The following FAM53B variants were observed in gnomAD, a reference collection of about 807,000 sequenced individuals.
FAM53B encodes the protein family with sequence similarity 53 member B.
FAM53B carries 12 observed loss-of-function variants against 32.7 expected under a neutral mutation model. The ratio of observed to expected loss-of-function variants is 0.37; its 90% CI spans 0.24 to 0.59. The LOEUF is 0.59. Among genes scored for constraint, FAM53B ranks in the 20% least tolerant of loss-of-function variants. The pLI is 0.72. For synonymous variants in FAM53B, 234 were observed against 228.7 expected, an observed-to-expected ratio of 1.02 and a Z score of -0.21; for missense variants, 477 against 577.7, an observed-to-expected ratio of 0.83 and a Z score of 1.79.
In FAM53B at chr10:124,706,843, T is replaced by C; in HGVS notation, c.-130A>G. On this transcript the variant is annotated 5_prime_UTR_variant, in exon 2 of 5. Transcript: ENST00000337318. ...ACAGCTCCCCATTGGCCACTCACCC[T>C]TGGGGTGGGGCCCTTCTGGGAAATG... The C allele has an allele frequency of 6.6e-7, 1 of 1,525,704 alleles. No individual in the cohort carries two copies. Among genetic ancestry groups the C allele is most frequent in the East Asian group, 2.4e-5 (1 of 41,748 alleles). The allele number at this position is 1,525,704 out of a possible 1,614,324, so 94.5% of individuals were successfully genotyped here. A position where few individuals can be genotyped will look rare whatever the true frequency, so the allele number is the denominator to read the frequency against.
chr10:124,700,485 T>C (rs890548307), intron 2 of FAM53B, among the ~76,000 whole-genome samples: 20 of 152,114 alleles, frequency 1.3e-4, no homozygotes, highest in Admixed American at 4.6e-4. Context: ...CCAGAGCACA[T>C]TTCCCCTTTG....
At chr10:124,734,313 A>T (rs1950162141) in intron 1 of FAM53B, among the ~76,000 whole-genome samples, 1 of 152,174 alleles carries the variant, frequency 6.6e-6, no homozygotes, top group African/African-American at 2.4e-5. Context: ...TGTCTGACAC[A>T]CATAGTAGCT....
At chr10:124,691,482 C>G (rs1265205361) in intron 3 of FAM53B, among the ~76,000 whole-genome samples, 2 of 152,190 alleles carry the variant, frequency 1.3e-5, no homozygotes, top group African/African-American at 4.8e-5. Context: ...GGGTTTCCAT[C>G]CAATTTTTTT....
chr10:124,681,823 A>C lies in FAM53B; in HGVS notation c.690T>G (p.Ser230=), dbSNP rs763007924. 1 of 1,611,704 alleles carries C rather than the reference A, an allele frequency of 6.2e-7. No individual in the cohort carries two copies. The highest frequency in any genetic ancestry group is 8.5e-7 in the Non-Finnish European group (1 of 1,178,908). ...CAAAGGAAAACTGCTCATGTGAGCA[A>C]GAGAGGGACCGCTGCAGGTCCAGCC... The part of the protein sequence containing the change: ...GGRLDLQRSL[S]CSHEQFSFVE... The change falls in exon 4 of 5, where the codon TCT becomes TCG. Residue 230 remains serine (S), a synonymous_variant. Transcript: ENST00000337318.
intron 1 of FAM53B, chr10:124,707,964 G>C (rs182358693): frequency 6.6e-6 from 1 of 152,264 alleles, no homozygotes; most frequent in East Asian, 1.9e-4. Flanking sequence ...CCAAACAAAT[G>C]AAGAAAGAGT....
chr10:124,685,289 A>C (rs745665561), intron 3 of FAM53B, among the ~76,000 whole-genome samples: 7 of 152,230 alleles, frequency 4.6e-5, no homozygotes, highest in Admixed American at 2.6e-4. Context: ...TATGAGAAAA[A>C]ATGTATTATC....
intron 4 of FAM53B, among the ~76,000 whole-genome samples, chr10:124,638,837 G>C (rs1949451732): frequency 6.6e-6 from 1 of 152,212 alleles, no homozygotes; most frequent in Non-Finnish European, 1.5e-5. Flanking sequence ...GCTGGTGGTG[G>C]GTGTGGAAGG....
intron 3 of FAM53B, among the ~76,000 whole-genome samples, chr10:124,689,674 C>T (rs1340212040): frequency 6.6e-6 from 1 of 152,224 alleles, no homozygotes; most frequent in Non-Finnish European, 1.5e-5. Flanking sequence ...GGACAAAGAT[C>T]GGGGTTCAGA....
At chr10:124,670,272 T>G (rs951600558) in intron 4 of FAM53B, among the ~76,000 whole-genome samples, 2 of 152,312 alleles carry the variant, frequency 1.3e-5, no homozygotes, top group East Asian at 1.9e-4. Context: ...CACCCTCATG[T>G]GCCTTCTTGC....
intron 3 of FAM53B, among the ~76,000 whole-genome samples, 166 bp downstream of exon 3, chr10:124,695,992 C>T (rs914522370): frequency 6.6e-6 from 1 of 152,226 alleles, no homozygotes; most frequent in African/African-American, 2.4e-5. Flanking sequence ...TGTCCCTTCA[C>T]TCAGGCACCG....
At chr10:124,660,953 T>G (rs971489669) in intron 4 of FAM53B, among the ~76,000 whole-genome samples, 25 of 151,164 alleles carry the variant, frequency 1.7e-4, no homozygotes, top group Admixed American at 4.0e-4. Context: ...TTGGGTACAA[T>G]GTACACTACT....
intron 2 of FAM53B, chr10:124,705,614 T>C (rs1048815872): frequency 1.3e-5 from 2 of 152,238 alleles, no homozygotes; most frequent in Non-Finnish European, 1.5e-5. Context: ...TTCTCAAGGG[T>C]GAGGAGTACA....
intron 1 of FAM53B, among the ~76,000 whole-genome samples, chr10:124,730,736 C>G (rs1013074295): frequency 1.3e-5 from 2 of 152,212 alleles, no homozygotes; most frequent in East Asian, 3.8e-4. Context: ...AACCAAAGAA[C>G]TGAAGTCTTC....
chr10:124,679,377 A>G (rs769953289), intron 4 of FAM53B, among the ~76,000 whole-genome samples: 6 of 152,208 alleles, frequency 3.9e-5, no homozygotes, highest in Non-Finnish European at 8.8e-5. Context: ...TGCCCAGCTC[A>G]TCAGGTTCCC....
chr10:124,706,333 A>G (rs1326036154), intron 2 of FAM53B, among the ~76,000 whole-genome samples: 1 of 152,182 alleles, frequency 6.6e-6, no homozygotes, highest in Non-Finnish European at 1.5e-5. Flanking sequence ...GTGGAGACAG[A>G]AGGAATGTCA....
chr10:124,737,860 C>A (rs756869209), intron 1 of FAM53B, among the ~76,000 whole-genome samples: 2 of 152,128 alleles, frequency 1.3e-5, no homozygotes, highest in African/African-American at 4.8e-5. Flanking sequence ...CAGGGGCACA[C>A]GGTATGCCAA....
At chr10:124,695,904 G>A (rs551806554) in intron 3 of FAM53B, among the ~76,000 whole-genome samples, 1 of 152,252 alleles carries the variant, frequency 6.6e-6, no homozygotes, top group East Asian at 1.9e-4. Flanking sequence ...TTTTCTGAAT[G>A]AAAAAAATCA....
At chr10:124,673,724 T>C (rs929858083) in intron 4 of FAM53B, among the ~76,000 whole-genome samples, 7 of 152,190 alleles carry the variant, frequency 4.6e-5, no homozygotes, top group Non-Finnish European at 1.0e-4. Context: ...GTCACTGGGC[T>C]AGGAATGTGC....
chr10:124,683,006 G>A (rs1000044356), intron 3 of FAM53B, among the ~76,000 whole-genome samples: 6 of 152,234 alleles, frequency 3.9e-5, no homozygotes, highest in South Asian at 4.1e-4. Context: ...CAACATCAGC[G>A]TCACCAATGG....
Sources: allele counts gnomAD v4.1 joint callset (sites outside exome capture counted in the v4.1 genomes callset), GRCh38; gene constraint gnomAD v4.1.1; transcripts MANE v1.5; gene names NCBI Gene and HGNC (gene_info 2026-07-23, HGNC 2026-07-21).